ZNF365: variants seen among roughly 807,000 people sequenced by gnomAD.
ZNF365 encodes the protein zinc finger protein 365.
ZNF365 carries 22 observed loss-of-function variants against 35.0 expected under a neutral mutation model. That is an observed-to-expected ratio of 0.63 (90% CI 0.45 to 0.90). The LOEUF (loss-of-function observed/expected upper bound fraction) is 0.90, where lower values mean the gene tolerates loss of function less well. Among genes scored for constraint, ZNF365 ranks in the 40% least tolerant of loss-of-function variants. The pLI is 0.00. For missense variants in ZNF365, 448 were observed against 500.3 expected (o/e 0.90, Z 1.00); for synonymous variants, 188 against 196.2 (o/e 0.96, Z 0.35).
rs149093275 is a variant in ZNF365, at chr10:62,461,815, T to G, written c.981+2018T>G. Reference sequence around the variant, plus strand: ...AAAAAATCTTACAAAAAAATTAAATTAGAATTTAATCCCTGCCTAAAATAT... The same window carrying G: ...AAAAAATCTTACAAAAAAATTAAATGAGAATTTAATCCCTGCCTAAAATAT... On this transcript the variant is annotated intron_variant, in intron 4 of 4. Coordinates refer to the ZNF365 transcript ENST00000395255. Among the ~76,000 whole-genome samples, 9 of 152,316 alleles carry G rather than the reference T, an allele frequency of 5.9e-5. No homozygotes were observed. In the East Asian group the frequency reaches 1.5e-3, roughly 26 times the overall value.
At chr10:62,458,807 A>G (rs776505353) in intron 3 of ZNF365, among the ~76,000 whole-genome samples, 6 of 152,210 alleles carry the variant, frequency 3.9e-5, no homozygotes, top group Non-Finnish European at 8.8e-5. Flanking sequence ...GTACTTAAAA[A>G]CAAGAAAAGA....
intron 3 of ZNF365, among the ~76,000 whole-genome samples, chr10:62,391,943 C>T (rs1564571086): frequency 6.6e-6 from 1 of 152,230 alleles, no homozygotes; most frequent in Non-Finnish European, 1.5e-5. Flanking sequence ...TATGGCCATT[C>T]TTGCAGGAGC....
At chr10:62,384,899 C>T (rs1839502133) in intron 2 of ZNF365, among the ~76,000 whole-genome samples, 1 of 152,186 alleles carries the variant, frequency 6.6e-6, no homozygotes, top group African/African-American at 2.4e-5. Context: ...AACCCCTTTT[C>T]TTTTCCATTC....
chr10:62,401,683 C>T lies in ZNF365; in HGVS notation c.*1894C>T, dbSNP rs1839832135. On this transcript the variant is annotated 3_prime_UTR_variant, in exon 5 of 5. Transcript: ENST00000395254. ...TGATTGCACCTTAGCCTTTTACATA[C>T]TAAAAACATGACTTGTTAGTTGTAT... 1.0e-6 allele frequency: 1 copy of T among 985,370 alleles called. No individual in the cohort carries two copies. The highest frequency in any genetic ancestry group is 1.7e-5 in the African/African-American group (1 of 57,232). The allele number at this position is 985,370 out of a possible 1,614,324, so 61.0% of individuals were successfully genotyped here.
chr10:62,414,069 G>T (rs562773216), intron 3 of ZNF365, among the ~76,000 whole-genome samples: 1 of 152,248 alleles, frequency 6.6e-6, no homozygotes, highest in East Asian at 1.9e-4. Context: ...ATATATATTA[G>T]TTTATTGGAT....
intron 3 of ZNF365, among the ~76,000 whole-genome samples, chr10:62,437,029 G>A (rs1396916902): frequency 6.6e-6 from 1 of 152,164 alleles, no homozygotes; most frequent in African/African-American, 2.4e-5. Flanking sequence ...AGCTAAGAGG[G>A]AGAGTCAAAT....
At chr10:62,399,288 A>G (rs192340908) in intron 4 of ZNF365, among the ~76,000 whole-genome samples, 135 of 152,290 alleles carry the variant, frequency 8.9e-4, no homozygotes, top group African/African-American at 3.2e-3. Context: ...CCTCAGTCTT[A>G]TCACTGTAAA....
chr10:62,383,848 G>A (rs1244609834), intron 2 of ZNF365, among the ~76,000 whole-genome samples: 5 of 152,210 alleles, frequency 3.3e-5, no homozygotes, highest in East Asian at 1.9e-4. Context: ...ATTAATGAAC[G>A]CATGTGTGAA....
intron 3 of ZNF365, among the ~76,000 whole-genome samples, chr10:62,433,902 G>A (rs1300378640): frequency 6.6e-6 from 1 of 152,202 alleles, no homozygotes; most frequent in Non-Finnish European, 1.5e-5. Flanking sequence ...AGTGGAGGCA[G>A]GCTGGTACAA....
intron 3 of ZNF365, among the ~76,000 whole-genome samples, chr10:62,392,531 C>T (rs1328792766): frequency 1.3e-5 from 2 of 152,060 alleles, no homozygotes; most frequent in Non-Finnish European, 2.9e-5. Context: ...TTTGCCTTGT[C>T]GAAGATCAGT....
chr10:62,451,096 A>G (rs537750022), intron 3 of ZNF365, among the ~76,000 whole-genome samples: 1 of 152,350 alleles, frequency 6.6e-6, no homozygotes, highest in South Asian at 2.1e-4. Context: ...AAACAGCAGA[A>G]AAACAATGGC....
chr10:62,421,313 G>A (rs972440323), intron 3 of ZNF365, among the ~76,000 whole-genome samples: 9 of 152,044 alleles, frequency 5.9e-5, no homozygotes, highest in African/African-American at 2.2e-4. Context: ...CTGTTACCTG[G>A]CCTTTACCAA....
At position 62,401,070 on chromosome 10, in the gene ZNF365, C is replaced by A; in HGVS notation, c.*1281C>A. 2 of 985,400 alleles carry A rather than the reference C, an allele frequency of 2.0e-6. No individual in the cohort carries two copies. The highest frequency in any genetic ancestry group is 2.4e-6 in the Non-Finnish European group (2 of 829,908). 61.0% of individuals were successfully genotyped at this position (985,400 alleles called of 1,614,324 possible). A position where few individuals can be genotyped will look rare whatever the true frequency, so the allele number is the denominator to read the frequency against. On this transcript the variant is annotated 3_prime_UTR_variant, in exon 5 of 5. Transcript: ENST00000395254. ...TTTAGCAATATCATCAGGTCTCTTG[C>A]AGAGTTTACAAGTGCTGACATTCTT...
In ZNF365 at chr10:62,376,490, T is replaced by A; in HGVS notation, c.297T>A (p.Val99=). The change falls in exon 2 of 5, where the codon GTT becomes GTA. Residue 99 remains valine, a synonymous_variant. Transcript: ENST00000395254. ...GNVVKQKPSY[V]NLYSISHEHS... is the part of the protein sequence containing the mutation. ...TGGTAAAGCAGAAACCGAGCTATGT[T>A]AACTTGTACAGCATTTCACATGAAC... 6.2e-7 allele frequency: 1 copy of A among 1,614,086 alleles called. No homozygotes were observed. Among genetic ancestry groups the A allele is most frequent in the Non-Finnish European group, 8.5e-7 (1 of 1,180,042 alleles).
chr10:62,375,820 C>A (rs898558649), intron 1 of ZNF365: 2 of 204,216 alleles, frequency 9.8e-6, no homozygotes, highest in Admixed American at 5.3e-5. Flanking sequence ...TCAGTGTTCT[C>A]TTCTGTGGAG....
At chr10:62,467,155 T>G (rs1840957748) in intron 4 of ZNF365, among the ~76,000 whole-genome samples, 2 of 152,268 alleles carry the variant, frequency 1.3e-5, no homozygotes, top group Non-Finnish European at 2.9e-5. Flanking sequence ...AAATGTTAAA[T>G]TTTTAATTTT....
At chr10:62,448,163 T>C (rs149009722) in intron 3 of ZNF365, among the ~76,000 whole-genome samples, 2,054 of 152,326 alleles carry the variant, frequency 0.013, 189 homozygotes, top group Admixed American at 0.12. Context: ...CTTGTGTTCA[T>C]TAAGTAAGAT....
intron 3 of ZNF365, among the ~76,000 whole-genome samples, chr10:62,428,378 TC>T (rs1166236951): frequency 3.3e-5 from 5 of 152,040 alleles, no homozygotes; most frequent in African/African-American, 1.2e-4. Context: ...GGGGGTCATT[TC>T]CCCCATGCTA....
chr10:62,461,595 G>A (rs759818702), intron 4 of ZNF365, among the ~76,000 whole-genome samples: 1 of 152,134 alleles, frequency 6.6e-6, no homozygotes, highest in African/African-American at 2.4e-5. Flanking sequence ...TAAATACAAG[G>A]CCTTGGATGT....
Sources: allele counts gnomAD v4.1 joint callset (sites outside exome capture counted in the v4.1 genomes callset), GRCh38; gene constraint gnomAD v4.1.1; transcripts MANE v1.5; gene names NCBI Gene and HGNC (gene_info 2026-07-23, HGNC 2026-07-21).